The following SCAPER variants were observed in gnomAD, a reference collection of about 807,000 sequenced individuals.
SCAPER encodes the protein S phase cyclin A-associated protein in the endoplasmic reticulum.
A neutral mutation model predicts 182.2 loss-of-function variants in SCAPER; 98 were observed. The observed-to-expected ratio is 0.54, with a 90% CI of 0.46 to 0.64. The LOEUF (loss-of-function observed/expected upper bound fraction) is 0.64, where lower values mean the gene tolerates loss of function less well. SCAPER is among the 30% of genes least tolerant of loss of function. The probability of loss-of-function intolerance (pLI) is 0.00; values close to 1 mark genes in which losing one functional copy is unlikely to be tolerated. For synonymous variants in SCAPER, 605 were observed against 564.6 expected (o/e 1.07, Z -1.01); for missense variants, 1,432 against 1,690.0 (o/e 0.85, Z 2.68).
rs563342933 is a variant in SCAPER, at chr15:76,557,336, T to C, written c.2838+16822A>G. On this transcript the variant is annotated intron_variant, in intron 23 of 31. Transcript: ENST00000563290. ...AGCAAAAAGAACTAAGCTGGAGATA[T>C]CACATTGCCCAGCTTCAATCTATGC... Among the ~76,000 whole-genome samples the C allele has an allele frequency of 2.0e-5, 3 of 152,298 alleles. No individual in the cohort carries two copies. In the East Asian group the frequency reaches 5.8e-4, roughly 29 times the overall value.
chr15:76,415,580 T>G (rs1187719826), intron 26 of SCAPER, among the ~76,000 whole-genome samples: 2 of 152,138 alleles, frequency 1.3e-5, no homozygotes, highest in Non-Finnish European at 2.9e-5. Context: ...TATAAAAAAG[T>G]TAAAACATGT....
intron 9 of SCAPER, among the ~76,000 whole-genome samples, chr15:76,772,468 T>G (rs1361649356): frequency 1.3e-5 from 2 of 152,042 alleles, no homozygotes; most frequent in Non-Finnish European, 2.9e-5. Context: ...TCTCTTCAGA[T>G]AATATTAACA....
Position 76,702,855 on chromosome 15 carries a change from C to T in SCAPER, c.2395G>A (p.Val799Ile). The stretch of plus-strand genomic sequence containing the variant: ...ATATTGATATAACAACCTACCAGGA[C>T]ATTGCAGAGAGAACACTGCTTCTTT... ...ERKKQCSLCNVLISSEVYLFS... is the reference protein window; with the variant it reads ...ERKKQCSLCNILISSEVYLFS... The change falls in exon 19 of 32, where the codon GTC (valine) becomes ATC (isoleucine). Residue 799 changes from valine to isoleucine, a missense_variant. Physicochemically the swap from Val to Ile is conservative, Grantham distance 29 (BLOSUM62 3). Around this residue, in one of 5 missense-constraint regions of SCAPER, gnomAD observed 718 missense variants for 799.7 expected, o/e 0.90. Coordinates refer to ENST00000563290, the MANE Select transcript of SCAPER (RefSeq NM_020843.4). 2 of 1,602,466 alleles carry T rather than the reference C, an allele frequency of 1.2e-6. No individual in the cohort carries two copies. The highest frequency in any genetic ancestry group is 1.7e-6 in the Non-Finnish European group (2 of 1,176,938).
Position 76,666,753 on chromosome 15 carries a change from C to A in SCAPER, c.2509-964G>T, listed in dbSNP as rs144255532. On this transcript the variant is annotated intron_variant, in intron 20 of 31. Coordinates refer to ENST00000563290, the MANE Select transcript of SCAPER (RefSeq NM_020843.4). ...CCTAACCCCATCTCTCAGTTCATGA[C>A]TATGTTTATTTGATTAAGGAAAACA... Among the ~76,000 whole-genome samples, 528 of 152,282 alleles carry A rather than the reference C, an allele frequency of 3.5e-3. 5 individuals carry two copies. Among genetic ancestry groups the A allele is most frequent in the African/African-American group, 0.012 (490 of 41,550 alleles).
Position 76,619,424 on chromosome 15 carries a change from C to A in SCAPER, c.2711+2340G>T, listed in dbSNP as rs1235234400. On this transcript the variant is annotated intron_variant, in intron 22 of 31. Transcript: ENST00000563290. ...AAGTCTTTATGTGGGCACATGCTTTCATTTCATTTGGGTATATTCCTAAGA... is the reference window on the plus strand; with the variant it reads ...AAGTCTTTATGTGGGCACATGCTTTAATTTCATTTGGGTATATTCCTAAGA... Among the ~76,000 whole-genome samples, 3 of 152,124 alleles carry A rather than the reference C, an allele frequency of 2.0e-5. No homozygotes were observed. The East Asian group carries it at 5.8e-4, about 29-fold the overall frequency.
At chr15:76,484,066 C>G (rs998579451) in intron 24 of SCAPER, among the ~76,000 whole-genome samples, 1 of 152,142 alleles carries the variant, frequency 6.6e-6, no homozygotes, top group African/African-American at 2.4e-5. Context: ...TTATTAATGA[C>G]TGCCAAAACT....
chr15:76,478,208 C>T (rs1259841589), intron 24 of SCAPER, among the ~76,000 whole-genome samples: 1 of 147,576 alleles, frequency 6.8e-6, no homozygotes, highest in Non-Finnish European at 1.5e-5. Flanking sequence ...TTATCATCAT[C>T]TTTTTGTTAA....
intron 5 of SCAPER, among the ~76,000 whole-genome samples, chr15:76,836,138 A>C (rs1182006073): frequency 6.6e-6 from 1 of 151,930 alleles, no homozygotes; most frequent in East Asian, 1.9e-4. Flanking sequence ...ATGCCAAACT[A>C]CCAACTACCA....
At chr15:76,825,176 A>T (rs909307947) in intron 5 of SCAPER, among the ~76,000 whole-genome samples, 1 of 152,190 alleles carries the variant, frequency 6.6e-6, no homozygotes, top group Non-Finnish European at 1.5e-5. Flanking sequence ...ATATGCTTTT[A>T]TTCAGCCTCA....
intron 20 of SCAPER, among the ~76,000 whole-genome samples, chr15:76,691,666 C>T (rs1324093218): frequency 6.6e-6 from 1 of 152,076 alleles, no homozygotes; most frequent in Non-Finnish European, 1.5e-5. Context: ...AACAAAAGCA[C>T]AATTTTAGAT....
chr15:76,713,236 C>G (rs2059689836), intron 17 of SCAPER, among the ~76,000 whole-genome samples: 1 of 152,004 alleles, frequency 6.6e-6, no homozygotes, highest in South Asian at 2.1e-4. Flanking sequence ...CCTCAGGCAT[C>G]TAGAACTAGA....
rs560463399 is a variant in SCAPER at position 76,666,702 on chromosome 15, C to A, written c.2509-913G>T. 1.4e-4 allele frequency among the ~76,000 whole-genome samples: 21 copies of A among 152,324 alleles called. No individual in the cohort carries two copies. The South Asian group carries it at 4.1e-3, about 30-fold the overall frequency. ...TGCTAAAAATTATTTTAGACTCTCT[C>A]CTTAAATCTCCAATATCCGTCATCT... is the stretch of plus-strand genomic sequence containing the variant. On this transcript the variant is annotated intron_variant, in intron 20 of 31. Transcript: ENST00000563290.
chr15:76,883,861 C>T lies in SCAPER; in HGVS notation c.-44G>A, dbSNP rs1318013104. On this transcript the variant is annotated 5_prime_UTR_variant, in exon 2 of 32. Transcript: ENST00000563290. ...TGCCAAGATCATTTATCACATAAAC[C>T]CATGGAGTATGACTCCTACAATAAA... is the stretch of plus-strand genomic sequence containing the variant. 1.4e-6 allele frequency: 2 copies of T among 1,437,834 alleles called. No homozygotes were observed. Among genetic ancestry groups the T allele is most frequent in the African/African-American group, 1.4e-5 (1 of 69,470 alleles). 89.1% of individuals were successfully genotyped at this position (1,437,834 alleles called of 1,614,324 possible).
At chr15:76,838,653 T>A (rs968691649) in intron 5 of SCAPER, among the ~76,000 whole-genome samples, 13 of 152,122 alleles carry the variant, frequency 8.5e-5, no homozygotes, top group Non-Finnish European at 1.3e-4. Context: ...AGTCTCTATA[T>A]CCAAAAGTGT....
At chr15:76,722,517 T>G (rs1052040446) in intron 17 of SCAPER, among the ~76,000 whole-genome samples, 5 of 152,224 alleles carry the variant, frequency 3.3e-5, no homozygotes, top group African/African-American at 1.2e-4. Flanking sequence ...AGCTCCTCCT[T>G]GTACCTCTGG....
chr15:76,834,955 G>A (rs963384873), intron 5 of SCAPER, among the ~76,000 whole-genome samples: 6 of 151,932 alleles, frequency 3.9e-5, no homozygotes, highest in South Asian at 2.1e-4. Context: ...GATTCACAGC[G>A]GAATTCCATC....
chr15:76,671,725 G>C (rs1036203015), intron 20 of SCAPER, among the ~76,000 whole-genome samples: 1 of 151,736 alleles, frequency 6.6e-6, no homozygotes, highest in African/African-American at 2.4e-5. Flanking sequence ...AGTCGAGATC[G>C]CACCACTGCA....
intron 26 of SCAPER, among the ~76,000 whole-genome samples, chr15:76,405,908 A>G (rs1439608945): frequency 6.6e-6 from 1 of 152,190 alleles, no homozygotes; most frequent in African/African-American, 2.4e-5. Flanking sequence ...TGAATAATTC[A>G]TGTCTGGAGC....
At chr15:76,713,972 C>T (rs1399871387) in intron 17 of SCAPER, among the ~76,000 whole-genome samples, 3 of 152,002 alleles carry the variant, frequency 2.0e-5, no homozygotes, top group Admixed American at 2.0e-4. Context: ...GCCAAAAAAA[C>T]TGGAGATAAT....
Sources: allele counts gnomAD v4.1 joint callset (sites outside exome capture counted in the v4.1 genomes callset), GRCh38; gene constraint gnomAD v4.1.1; regional missense constraint gnomAD v4.1.1; transcripts MANE v1.5; gene names NCBI Gene and HGNC (gene_info 2026-07-23, HGNC 2026-07-21).